PALLD: variants seen among roughly 807,000 people sequenced by gnomAD.
PALLD encodes palladin.
In PALLD, 61 loss-of-function variants were observed where a neutral mutation model predicts 123.5. That is an observed-to-expected ratio of 0.49 (90% CI 0.40 to 0.61). The LOEUF (loss-of-function observed/expected upper bound fraction) is 0.61. PALLD is among the 20% of genes least tolerant of loss of function. PALLD has a pLI of 0.00. For missense variants in PALLD, 1,273 were observed against 1,377.0 expected (o/e 0.92, Z 1.20); for synonymous variants, 465 against 496.4 (o/e 0.94, Z 0.84).
chr4:168,809,278 C>T (rs139634578), intron 10 of PALLD, among the ~76,000 whole-genome samples: 1,547 of 152,002 alleles, frequency 0.01, 11 homozygotes, highest in Non-Finnish European at 0.017. Flanking sequence ...CTGCTTTCCA[C>T]TCTGTGTTCC....
At position 168,859,277 on chromosome 4, in the gene PALLD, C is replaced by A. The variant is rs1357477536; in HGVS notation, c.1965-31645C>A. Among the ~76,000 whole-genome samples, 5 of 152,200 alleles carry A rather than the reference C, an allele frequency of 3.3e-5. No individual in the cohort carries two copies. The East Asian group carries it at 7.7e-4, about 23-fold the overall frequency. Reference sequence around the variant, plus strand: ...GACTGATAGTTATCCATGCTCACAGCTGCTGGCAGGACTGACTCCTTTACA... The same window carrying A: ...GACTGATAGTTATCCATGCTCACAGATGCTGGCAGGACTGACTCCTTTACA... On this transcript the variant is annotated intron_variant, in intron 10 of 21. Transcript: ENST00000505667.
chr4:168,898,383 T>C, intron 13 of PALLD, 110 bp from the exon 14 acceptor site: 1 of 749,102 alleles, frequency 1.3e-6, no homozygotes, highest in South Asian at 1.5e-5. Context: ...GTTTTTAAGC[T>C]GTATGGTAAA....
chr4:168,877,063 C>G (rs990600186), intron 10 of PALLD, among the ~76,000 whole-genome samples: 2 of 152,186 alleles, frequency 1.3e-5, no homozygotes, highest in Non-Finnish European at 2.9e-5. Flanking sequence ...ATAGAAGTCA[C>G]TTGTTTACAT....
Position 168,835,730 on chromosome 4 carries a change from G to A in PALLD, c.1965-55192G>A, listed in dbSNP as rs185921508. On this transcript the variant is annotated intron_variant, in intron 10 of 21. Coordinates refer to ENST00000505667, the MANE Select transcript of PALLD (RefSeq NM_001166108.2). ...TGTTGTTTTTTTGAGACATAGTCTCGCTCTGTCACCCAGGCTGGAGTGCAG... is the reference window on the plus strand; with the variant it reads ...TGTTGTTTTTTTGAGACATAGTCTCACTCTGTCACCCAGGCTGGAGTGCAG... Among the ~76,000 whole-genome samples the A allele has an allele frequency of 2.3e-3, 351 of 152,146 alleles. 2 individuals carry two copies. Among genetic ancestry groups the A allele is most frequent in the African/African-American group, 7.0e-3 (289 of 41,524 alleles).
At chr4:168,747,124 A>G (rs886280254) in intron 10 of PALLD, among the ~76,000 whole-genome samples, 10 of 152,366 alleles carry the variant, frequency 6.6e-5, no homozygotes, top group Admixed American at 2.6e-4. Context: ...AGGGTACACA[A>G]TAGGTACCTA....
chr4:168,728,755 C>T (rs1786847959), intron 10 of PALLD, among the ~76,000 whole-genome samples: 1 of 152,134 alleles, frequency 6.6e-6, no homozygotes, highest in African/African-American at 2.4e-5. Flanking sequence ...TATCTAATTA[C>T]ATGAGTAAGC....
At chr4:168,556,910 ACTT>A (rs1415991890) in intron 2 of PALLD, among the ~76,000 whole-genome samples, 7 of 152,184 alleles carry the variant, frequency 4.6e-5, no homozygotes, top group Non-Finnish European at 1.0e-4. Context: ...TTATAGCCCT[ACTT>A]TATTCTAGAC....
At chr4:168,548,286 C>A (rs1766368937) in intron 2 of PALLD, among the ~76,000 whole-genome samples, 1 of 151,022 alleles carries the variant, frequency 6.6e-6, no homozygotes, top group African/African-American at 2.4e-5. Flanking sequence ...ATGGAAGAGG[C>A]TCTTCCTTAC....
chr4:168,589,317 T>G (rs1408927231), intron 2 of PALLD, among the ~76,000 whole-genome samples: 1 of 152,084 alleles, frequency 6.6e-6, no homozygotes, highest in Non-Finnish European at 1.5e-5. Context: ...AAGCTCCAAT[T>G]TAGGTAGGAG....
intron 2 of PALLD, among the ~76,000 whole-genome samples, chr4:168,541,021 G>A (rs994284876): frequency 3.3e-5 from 5 of 152,148 alleles, no homozygotes; most frequent in African/African-American, 1.2e-4. Context: ...CAAATTCCCT[G>A]TGGGCAAAGA....
chr4:168,787,980 C>T (rs535247517), intron 10 of PALLD, among the ~76,000 whole-genome samples: 2 of 152,316 alleles, frequency 1.3e-5, no homozygotes, highest in East Asian at 1.9e-4. Flanking sequence ...TGTATAACTT[C>T]GCTGTAAACA....
intron 2 of PALLD, among the ~76,000 whole-genome samples, chr4:168,548,345 GA>G (rs5863941): frequency 0.5 from 70,540 of 141,352 alleles, 16,951 homozygotes; most frequent in East Asian, 0.79. Flanking sequence ...TCTAACTCAG[GA>G]AAAAAAAAAA....
intron 2 of PALLD, among the ~76,000 whole-genome samples, chr4:168,618,292 T>G (rs530377180): frequency 3.1e-4 from 47 of 152,342 alleles, no homozygotes; most frequent in African/African-American, 1.1e-3. Flanking sequence ...ATTTGGAATT[T>G]ATAAAGAACT....
intron 2 of PALLD, among the ~76,000 whole-genome samples, chr4:168,545,115 C>T (rs1310300257): frequency 3.3e-5 from 5 of 152,168 alleles, no homozygotes; most frequent in Non-Finnish European, 7.3e-5. Flanking sequence ...AAATCATTTC[C>T]TCATGAGCTT....
At chr4:168,524,449 T>A (rs571722567) in intron 2 of PALLD, among the ~76,000 whole-genome samples, 1 of 152,352 alleles carries the variant, frequency 6.6e-6, no homozygotes, top group African/African-American at 2.4e-5. Flanking sequence ...CCTGGGTCTA[T>A]ACTTTTTTGT....
chr4:168,787,498 A>T lies in PALLD; in HGVS notation c.1964+75575A>T, dbSNP rs892671440. ...GCTGTCAGCACAGTAGCCACTAACCACATGTGGCTATTTAAATTTAAGTAA... is the reference window on the plus strand; with the variant it reads ...GCTGTCAGCACAGTAGCCACTAACCTCATGTGGCTATTTAAATTTAAGTAA... On this transcript the variant is annotated intron_variant, in intron 10 of 21. Transcript: ENST00000505667. Among the ~76,000 whole-genome samples, 70 of 152,350 alleles carry T rather than the reference A, an allele frequency of 4.6e-4. 1 individual carries two copies. Among genetic ancestry groups the T allele is most frequent in the Non-Finnish European group, 8.4e-4 (57 of 68,032 alleles).
chr4:168,609,854 G>A (rs1233778721), intron 2 of PALLD, among the ~76,000 whole-genome samples: 1 of 151,982 alleles, frequency 6.6e-6, no homozygotes, highest in Non-Finnish European at 1.5e-5. Flanking sequence ...CTTTTCTTTT[G>A]GGATTCCTTC....
chr4:168,520,347 A>AGAGAGAGAGAGAGAG (rs11420544), intron 2 of PALLD, among the ~76,000 whole-genome samples: 1 of 84,038 alleles, frequency 1.2e-5, no homozygotes, highest in African/African-American at 5.3e-5. Flanking sequence ...AAAAAAAAAA[A>AGAGAGAGAGAGAGAG]AGAGAGAGAG....
intron 8 of PALLD, among the ~76,000 whole-genome samples, chr4:168,698,348 TAA>T (rs1298602303): frequency 1.3e-5 from 2 of 152,224 alleles, no homozygotes; most frequent in East Asian, 1.9e-4. Context: ...AAAATAACTA[TAA>T]GAGTGTAATT....
Sources: allele counts gnomAD v4.1 joint callset (sites outside exome capture counted in the v4.1 genomes callset), GRCh38; gene constraint gnomAD v4.1.1; transcripts MANE v1.5; gene names NCBI Gene and HGNC (gene_info 2026-07-23, HGNC 2026-07-21).